The following MYLK4 variants were observed in gnomAD, a reference collection of about 807,000 sequenced individuals.
MYLK4 encodes myosin light chain kinase family member 4.
In MYLK4, 46 loss-of-function variants were observed where a neutral mutation model predicts 48.1. That is an observed-to-expected ratio of 0.96 (90% CI 0.75 to 1.22). The LOEUF is 1.22. MYLK4 is among the 50% of genes most tolerant of loss of function. MYLK4 has a pLI of 0.00. For synonymous variants in MYLK4, 170 were observed against 180.8 expected, an observed-to-expected ratio of 0.94 and a Z score of 0.48; for missense variants, 451 against 486.1, an observed-to-expected ratio of 0.93 and a Z score of 0.68.
chr6:2,670,368 A>AAAACAAACAAACAAACAAACAAAC (rs10612556), intron 12 of MYLK4, among the ~76,000 whole-genome samples: 1 of 150,634 alleles, frequency 6.6e-6, no homozygotes. Flanking sequence ...TCTATCTCAA[A>AAAACAAACAAACAAACAAACAAAC]AAACAAACAA....
In MYLK4 at chr6:2,707,998, G is replaced by A. The variant is rs550097500; in HGVS notation, c.160-15139C>T. ...TTAACCATATTCACATTCACAGAGT[G>A]TATATAATCTTTTCCCCTGGATGAT... is the stretch of plus-strand genomic sequence containing the variant. On this transcript the variant is annotated intron_variant, in intron 2 of 12. Transcript: ENST00000274643. Among the ~76,000 whole-genome samples, 113 of 152,146 alleles carry A rather than the reference G, an allele frequency of 7.4e-4. 1 individual carries two copies. The highest frequency in any genetic ancestry group is 2.7e-3 in the African/African-American group (111 of 41,510).
In MYLK4 at chr6:2,685,498, T is replaced by G; in HGVS notation, c.420A>C (p.Arg140Ser). 1 of 1,614,062 alleles carries G rather than the reference T, an allele frequency of 6.2e-7. No individual in the cohort carries two copies. The highest frequency in any genetic ancestry group is 8.5e-7 in the Non-Finnish European group (1 of 1,179,986). ...CAGGCTGTACCTTGTCCTTCATGCCTCTGGTCTTGATGATTTTGGCTGCCA... is the reference window on the plus strand; with the variant it reads ...CAGGCTGTACCTTGTCCTTCATGCCGCTGGTCTTGATGATTTTGGCTGCCA... Reference protein sequence around the residue: ...LKLAAKIIKTRGMKDKEEVKN... With the variant: ...LKLAAKIIKTSGMKDKEEVKN... Residue 140 changes from arginine (R) to serine (S), a missense_variant, in exon 5 of 13, where the codon AGA becomes AGC. Arg to Ser is a moderately radical substitution (Grantham distance 110). Transcript: ENST00000274643. This position sits in a 1 kb window ranked among gnomAD's most constrained non-coding sequence, Gnocchi z 4.5.
intron 2 of MYLK4, among the ~76,000 whole-genome samples, chr6:2,721,345 G>A (rs559295112): frequency 2.0e-5 from 3 of 152,240 alleles, no homozygotes; most frequent in Non-Finnish European, 2.9e-5. Flanking sequence ...TTCTGGGTAC[G>A]TGACCTCAAA....
rs752389475 is a variant in MYLK4 at position 2,679,273 on chromosome 6, T to A, written c.887+7A>T. 1.2e-5 allele frequency: 20 copies of A among 1,613,916 alleles called. No homozygotes were observed. Among genetic ancestry groups the A allele is most frequent in the Admixed American group, 1.7e-5 (1 of 59,958 alleles). ...AGAAGGGTCAGAGACAGAGGAGAGC[T>A]ACTCACAGCATATAGGCGATGACCC... On this transcript the variant is annotated splice_region_variant and intron_variant, in intron 9 of 12. Coordinates refer to ENST00000274643, the MANE Select transcript of MYLK4 (RefSeq NM_001012418.5).
the MYLK4 span, chr6:2,765,520 G>A: frequency 1.2e-5 from 16 of 1,289,876 alleles, no homozygotes; most frequent in Non-Finnish European, 1.6e-5. Context: ...GGTTCCCCGA[G>A]CGAGGGTCTC....
chr6:2,696,914 G>A (rs926782624), intron 2 of MYLK4, among the ~76,000 whole-genome samples: 1 of 152,104 alleles, frequency 6.6e-6, no homozygotes, highest in Admixed American at 6.6e-5. Context: ...ACAAAAATTA[G>A]CTGGGCCTGG....
chr6:2,692,507 A>G (rs1025799134), intron 3 of MYLK4, among the ~76,000 whole-genome samples: 1 of 151,970 alleles, frequency 6.6e-6, no homozygotes. Flanking sequence ...CTATAATGGC[A>G]TCTTTATCCA....
In MYLK4 at chr6:2,667,198, A is replaced by T. The variant is rs1033291749; in HGVS notation, c.*727T>A. 6.6e-6 allele frequency: 1 copy of T among 152,256 alleles called. No homozygotes were observed. Among genetic ancestry groups the T allele is most frequent in the African/African-American group, 2.4e-5 (1 of 41,468 alleles). 9.4% of individuals were successfully genotyped at this position (152,256 alleles called of 1,614,324 possible). A position where few individuals can be genotyped will look rare whatever the true frequency, so the allele number is the denominator to read the frequency against. ...AAACCAATGTGTTTTGTGGGGATGA[A>T]CTGTCAGTCAGAAGGGTGCAGGGAG... On this transcript the variant is annotated 3_prime_UTR_variant, in exon 13 of 13. Transcript: ENST00000274643.
chr6:2,700,644 C>T (rs1023017037), intron 2 of MYLK4, among the ~76,000 whole-genome samples: 2 of 152,122 alleles, frequency 1.3e-5, no homozygotes, highest in Admixed American at 1.3e-4. Context: ...AGGTAAACGG[C>T]CCTGAGACCC....
At chr6:2,740,687 C>T (rs1438993024) in intron 2 of MYLK4, among the ~76,000 whole-genome samples, 2 of 152,210 alleles carry the variant, frequency 1.3e-5, no homozygotes, top group Admixed American at 1.3e-4. Context: ...CTGGTAGGAA[C>T]TCAGGAATGA....
chr6:2,712,588 T>G (rs1225298546), intron 2 of MYLK4, among the ~76,000 whole-genome samples: 1 of 152,184 alleles, frequency 6.6e-6, no homozygotes, highest in African/African-American at 2.4e-5. Context: ...AAGCAATAGC[T>G]TCTAAACTTA....
At chr6:2,744,714 C>T (rs549530010) in intron 2 of MYLK4, among the ~76,000 whole-genome samples, 11 of 152,316 alleles carry the variant, frequency 7.2e-5, no homozygotes, top group Admixed American at 1.3e-4. Context: ...TTTAAACACT[C>T]CAGGGACAGT....
the MYLK4 span, chr6:2,770,144 T>C: frequency 1.9e-6 from 3 of 1,614,222 alleles, no homozygotes; most frequent in South Asian, 3.3e-5. Context: ...TCACGTGGAA[T>C]GTGGGACGAT....
At chr6:2,709,807 G>A (rs1762612162) in intron 2 of MYLK4, among the ~76,000 whole-genome samples, 2 of 152,194 alleles carry the variant, frequency 1.3e-5, no homozygotes, top group African/African-American at 4.8e-5. Context: ...TTTGGTTAAT[G>A]ATGGTTTAAT....
intron 2 of MYLK4, among the ~76,000 whole-genome samples, chr6:2,716,981 AAAGTGGAGATGC>A (rs1411747757): frequency 6.6e-6 from 1 of 152,190 alleles, no homozygotes; most frequent in African/African-American, 2.4e-5. Context: ...TCAAGGCTCT[AAAGTGGAGATGC>A]TGCTTGAGCT....
intron 2 of MYLK4, among the ~76,000 whole-genome samples, chr6:2,738,638 G>A (rs1763785201): frequency 6.6e-6 from 1 of 152,226 alleles, no homozygotes; most frequent in Non-Finnish European, 1.5e-5. Flanking sequence ...GGTAAAGAAA[G>A]TGGACGTTTT....
At chr6:2,765,667 G>C in the MYLK4 span, 1 of 1,551,874 alleles carries the variant, frequency 6.4e-7, no homozygotes, top group African/African-American at 1.4e-5. Flanking sequence ...TTTCGCAGCT[G>C]CACCAGGTGC....
At chr6:2,719,628 G>T (rs1450285171) in intron 2 of MYLK4, among the ~76,000 whole-genome samples, 2 of 152,034 alleles carry the variant, frequency 1.3e-5, no homozygotes, top group Non-Finnish European at 2.9e-5. Context: ...CTCACAGTTT[G>T]TCTTTCTGTT....
At chr6:2,676,259 T>C (rs781767467) in intron 10 of MYLK4, among the ~76,000 whole-genome samples, 1 of 152,172 alleles carries the variant, frequency 6.6e-6, no homozygotes, top group Non-Finnish European at 1.5e-5. Flanking sequence ...AGTATAAGAT[T>C]TGAAGAGGAG....
Sources: allele counts gnomAD v4.1 joint callset (sites outside exome capture counted in the v4.1 genomes callset), GRCh38; gene constraint gnomAD v4.1.1; non-coding constraint Gnocchi (gnomAD v3.1); transcripts MANE v1.5; gene names NCBI Gene and HGNC (gene_info 2026-07-23, HGNC 2026-07-21).